The following MCTP2 variants were observed in gnomAD, a reference collection of about 807,000 sequenced individuals.
MCTP2 encodes multiple C2 and transmembrane domain containing 2, also known as multiple C2 and transmembrane domain-containing protein 2.
MCTP2 carries 132 observed loss-of-function variants against 111.6 expected under a neutral mutation model. The observed-to-expected ratio is 1.18, with a 90% CI of 1.03 to 1.37. MCTP2 has a LOEUF of 1.37. MCTP2 is among the 40% of genes most tolerant of loss of function. The probability of loss-of-function intolerance (pLI) is 0.00; values close to 1 mark genes in which losing one functional copy is unlikely to be tolerated. For missense variants in MCTP2, 1,183 were observed against 1,067.9 expected, an observed-to-expected ratio of 1.11 and a Z score of -1.50; for synonymous variants, 395 against 387.7, an observed-to-expected ratio of 1.02 and a Z score of -0.22.
At chr15:94,446,908 A>G (rs143970971) in intron 19 of MCTP2, among the ~76,000 whole-genome samples, 5 of 152,358 alleles carry the variant, frequency 3.3e-5, no homozygotes, top group African/African-American at 9.6e-5. Context: ...AAAAACAGAT[A>G]TGGACATTTT....
chr15:94,314,150 G>A, intron 2 of MCTP2, 132 bp from the exon 3 acceptor site: 1 of 613,384 alleles, frequency 1.6e-6, no homozygotes, highest in East Asian at 2.8e-5. Context: ...ACACAAACAG[G>A]AAGGCGGCCC....
At chr15:94,312,465 T>C (rs1462679036) in intron 2 of MCTP2, among the ~76,000 whole-genome samples, 3 of 152,168 alleles carry the variant, frequency 2.0e-5, no homozygotes, top group African/African-American at 7.2e-5. Flanking sequence ...TCAAGCCACA[T>C]TGAGAGTTAG....
chr15:94,313,076 A>G (rs1170073963), intron 2 of MCTP2, among the ~76,000 whole-genome samples: 1 of 152,148 alleles, frequency 6.6e-6, no homozygotes, highest in Non-Finnish European at 1.5e-5. Flanking sequence ...AAATTGGCCC[A>G]TAGCAATGAA....
chr15:94,364,937 C>T (rs143577853), intron 10 of MCTP2, among the ~76,000 whole-genome samples: 70 of 152,194 alleles, frequency 4.6e-4, no homozygotes, highest in African/African-American at 1.6e-3. Context: ...TTCTGTCTCC[C>T]GTCTTTCCTC....
intron 8 of MCTP2, among the ~76,000 whole-genome samples, chr15:94,349,104 A>C (rs143652681): frequency 3.3e-5 from 5 of 152,232 alleles, no homozygotes; most frequent in Admixed American, 6.5e-5. Context: ...GCACTGACCC[A>C]CTGCTGAATG....
chr15:94,443,529 G>A (rs979090963), intron 19 of MCTP2, among the ~76,000 whole-genome samples: 2 of 152,196 alleles, frequency 1.3e-5, no homozygotes, highest in Non-Finnish European at 2.9e-5. Context: ...CTAGCTTAAT[G>A]GGCTTCCAGT....
chr15:94,414,940 G>A (rs2082307967), intron 17 of MCTP2, among the ~76,000 whole-genome samples: 1 of 152,112 alleles, frequency 6.6e-6, no homozygotes, highest in Non-Finnish European at 1.5e-5. Flanking sequence ...AAAGATACAG[G>A]AAGTGCTGCA....
At chr15:94,365,674 C>A (rs546681830) in intron 10 of MCTP2, among the ~76,000 whole-genome samples, 1 of 152,036 alleles carries the variant, frequency 6.6e-6, no homozygotes, top group Non-Finnish European at 1.5e-5. Context: ...ATTTTAGTAG[C>A]ACTTACTTAT....
Position 94,367,601 on chromosome 15 carries a change from C to T in MCTP2, c.1302-4C>T. 4 of 1,604,122 alleles carry T rather than the reference C, an allele frequency of 2.5e-6. No individual in the cohort carries two copies. Among genetic ancestry groups the T allele is most frequent in the Non-Finnish European group, 3.4e-6 (4 of 1,175,890 alleles). ...CTCTCTCTTGATTCCTGAAACTTTT[C>T]TAGGTGTAAAGTGGATATCTCGGCA... On this transcript the variant is annotated splice_polypyrimidine_tract_variant and splice_region_variant and intron_variant, in intron 10 of 22. Transcript: ENST00000357742.
intron 2 of MCTP2, among the ~76,000 whole-genome samples, chr15:94,309,698 C>T (rs543637941): frequency 6.6e-6 from 1 of 152,336 alleles, no homozygotes; most frequent in South Asian, 2.1e-4. Flanking sequence ...ATTCCAGTGT[C>T]TCCCCATATC....
At chr15:94,326,337 C>G (rs2076870087) in intron 4 of MCTP2, among the ~76,000 whole-genome samples, 1 of 152,108 alleles carries the variant, frequency 6.6e-6, no homozygotes, top group African/African-American at 2.4e-5. Flanking sequence ...AATGCCACAA[C>G]AAACGTTCTT....
Position 94,483,682 on chromosome 15 carries a change from C to G in MCTP2, c.*4648C>G, listed in dbSNP as rs951551919. The G allele has an allele frequency of 1.3e-5, 2 of 151,972 alleles. No homozygotes were observed. Among genetic ancestry groups the G allele is most frequent in the African/African-American group, 4.8e-5 (2 of 41,374 alleles). The allele number at this position is 151,972 out of a possible 1,614,324, so 9.4% of individuals were successfully genotyped here. On this transcript the variant is annotated 3_prime_UTR_variant, in exon 23 of 23. Transcript: ENST00000357742. ...GAACACATGGACATGTAGAAGGGAA[C>G]AAAATACACTGGGGGCTATTGGAGG... is the stretch of plus-strand genomic sequence containing the variant.
chr15:94,248,228 C>T (rs74527940), intron 1 of MCTP2, among the ~76,000 whole-genome samples: 2,446 of 152,206 alleles, frequency 0.016, 58 homozygotes, highest in African/African-American at 0.054. Context: ...TAATAACAGC[C>T]TTGAATAAGG....
intron 11 of MCTP2, 22 bp from the exon 12 acceptor site, chr15:94,370,065 G>T (rs780170892): frequency 1.1e-5 from 17 of 1,576,504 alleles, no homozygotes; most frequent in Non-Finnish European, 1.3e-5. Flanking sequence ...GTTTTCACTT[G>T]TATCACCTTT....
At chr15:94,253,069 T>A (rs1476384167) in intron 1 of MCTP2, among the ~76,000 whole-genome samples, 1 of 152,154 alleles carries the variant, frequency 6.6e-6, no homozygotes, top group Non-Finnish European at 1.5e-5. Flanking sequence ...TCTGCAACAT[T>A]TGCAATTGTT....
At chr15:94,339,143 A>C (rs750963917) in intron 4 of MCTP2, 147 bp from the exon 5 acceptor site, 28 of 523,524 alleles carry the variant, frequency 5.3e-5, no homozygotes, top group Non-Finnish European at 8.4e-5. Context: ...ATTCTTTCAT[A>C]TCTCCCTGTC....
chr15:94,324,524 T>G (rs182445115), intron 4 of MCTP2, among the ~76,000 whole-genome samples: 3 of 152,218 alleles, frequency 2.0e-5, no homozygotes, highest in African/African-American at 7.2e-5. Context: ...ATGGTCTTTT[T>G]TGATGCGAGT....
At chr15:94,308,285 C>A (rs1408400612) in intron 2 of MCTP2, among the ~76,000 whole-genome samples, 1 of 152,194 alleles carries the variant, frequency 6.6e-6, no homozygotes, top group Non-Finnish European at 1.5e-5. Context: ...AAATCCAGGT[C>A]TTTTGGACTC....
chr15:94,474,053 A>G (rs890578398), intron 21 of MCTP2, among the ~76,000 whole-genome samples: 1 of 152,074 alleles, frequency 6.6e-6, no homozygotes, highest in Non-Finnish European at 1.5e-5. Context: ...ATCTTTCCCA[A>G]CAAAATGTTA....
Sources: allele counts gnomAD v4.1 joint callset (sites outside exome capture counted in the v4.1 genomes callset), GRCh38; gene constraint gnomAD v4.1.1; transcripts MANE v1.5; gene names NCBI Gene and HGNC (gene_info 2026-07-23, HGNC 2026-07-21).